The following FSTL5 variants were observed in gnomAD, a reference collection of about 807,000 sequenced individuals.
FSTL5 encodes follistatin-related protein 5.
A neutral mutation model predicts 89.1 loss-of-function variants in FSTL5; 62 were observed. That is an observed-to-expected ratio of 0.70 (90% confidence interval 0.57 to 0.86). FSTL5 has a LOEUF of 0.86. Among genes scored for constraint, FSTL5 ranks in the 40% least tolerant of loss-of-function variants. The pLI is 0.00. For missense variants in FSTL5, 1,057 were observed against 1,001.6 expected (o/e 1.06, Z -0.75); for synonymous variants, 383 against 346.2 (o/e 1.11, Z -1.18).
chr4:161,752,226 CAGATAGATAGATAGATAGAT>C (rs74281503), intron 6 of FSTL5, among the ~76,000 whole-genome samples: 6 of 139,072 alleles, frequency 4.3e-5, no homozygotes, highest in African/African-American at 1.1e-4. Context: ...GATAGATGGA[CAGATAGATAGATAGATAGAT>C]AGATAGATAG....
chr4:162,103,370 C>T (rs977186113), intron 2 of FSTL5, among the ~76,000 whole-genome samples: 28 of 152,210 alleles, frequency 1.8e-4, no homozygotes, highest in African/African-American at 6.8e-4. Flanking sequence ...TTCAGATTAA[C>T]TCTGTGCACA....
intron 3 of FSTL5, among the ~76,000 whole-genome samples, chr4:162,012,487 C>A (rs1736797261): frequency 6.6e-6 from 1 of 151,810 alleles, no homozygotes; most frequent in African/African-American, 2.4e-5. Context: ...ATAATATAAC[C>A]CAAATTTCAA....
At chr4:161,689,902 A>G (rs1737871472) in intron 6 of FSTL5, among the ~76,000 whole-genome samples, 1 of 152,168 alleles carries the variant, frequency 6.6e-6, no homozygotes, top group South Asian at 2.1e-4. Flanking sequence ...ATCATCCAAT[A>G]TATGACCTTT....
chr4:161,744,053 A>G (rs2126774657), intron 6 of FSTL5, among the ~76,000 whole-genome samples: 1 of 152,280 alleles, frequency 6.6e-6, no homozygotes, highest in Admixed American at 6.5e-5. Flanking sequence ...GCAAATTCTA[A>G]CACTATTACA....
chr4:161,455,888 T>C (rs965728419), intron 14 of FSTL5, among the ~76,000 whole-genome samples: 3 of 152,166 alleles, frequency 2.0e-5, no homozygotes, highest in African/African-American at 7.2e-5. Flanking sequence ...AAATACTTTC[T>C]ACATATGGCC....
intron 2 of FSTL5, among the ~76,000 whole-genome samples, chr4:162,064,660 A>T (rs1429076256): frequency 6.6e-6 from 1 of 151,964 alleles, no homozygotes; most frequent in African/African-American, 2.4e-5. Context: ...CCAACAACAG[A>T]TCTTAGGGAA....
At chr4:162,137,331 C>G (rs1307844043) in intron 1 of FSTL5, among the ~76,000 whole-genome samples, 1 of 152,082 alleles carries the variant, frequency 6.6e-6, no homozygotes, top group African/African-American at 2.4e-5. Context: ...AATCTAAAGA[C>G]TGCCTAGTCA....
chr4:161,686,211 T>G (rs1178775477), intron 6 of FSTL5, among the ~76,000 whole-genome samples: 1 of 149,290 alleles, frequency 6.7e-6, no homozygotes, highest in African/African-American at 2.5e-5. Flanking sequence ...GGTCTGTAGT[T>G]TTCTTTTTTG....
intron 4 of FSTL5, among the ~76,000 whole-genome samples, chr4:161,904,351 T>C (rs1733460676): frequency 6.6e-6 from 1 of 152,086 alleles, no homozygotes; most frequent in Non-Finnish European, 1.5e-5. Flanking sequence ...GGCTCCTAAT[T>C]TCACTTATTC....
chr4:161,475,062 C>A (rs930179388), intron 13 of FSTL5, among the ~76,000 whole-genome samples: 1 of 143,162 alleles, frequency 7.0e-6, no homozygotes, highest in Non-Finnish European at 1.5e-5. Context: ...GTATGCCGAA[C>A]GTATGGATCC....
intron 3 of FSTL5, among the ~76,000 whole-genome samples, chr4:161,982,531 T>C (rs1735853002): frequency 6.6e-6 from 1 of 152,218 alleles, no homozygotes; most frequent in Non-Finnish European, 1.5e-5. Context: ...TCTACTAATT[T>C]CTTCATATAT....
rs115159625 is a variant in FSTL5 at position 161,525,842 on chromosome 4, G to A, written c.1312+12324C>T. The stretch of plus-strand genomic sequence containing the variant: ...ACTTTTTGACTTTTGGTATTATAGT[G>A]GATGTGAAATAGCATTCTCTATTAT... On this transcript the variant is annotated intron_variant, in intron 10 of 15. Transcript: ENST00000306100. Among the ~76,000 whole-genome samples, 630 of 152,108 alleles carry A rather than the reference G, an allele frequency of 4.1e-3. 2 individuals are homozygous for A. Among genetic ancestry groups the A allele is most frequent in the Non-Finnish European group, 7.1e-3 (481 of 67,978 alleles).
chr4:161,386,158 A>G lies in FSTL5; in HGVS notation c.2133T>C (p.Asp711=). 3.1e-6 allele frequency: 5 copies of G among 1,614,048 alleles called. No homozygotes were observed. Among genetic ancestry groups the G allele is most frequent in the Non-Finnish European group, 3.4e-6 (4 of 1,179,986 alleles). Residue 711 remains aspartate (D), a synonymous_variant, in exon 16 of 16, where the codon GAT becomes GAC. Coordinates refer to ENST00000306100, the MANE Select transcript of FSTL5 (RefSeq NM_020116.5). ...PDGHYLVSIN[D]VKGLVRVQYI... ...ACTGAACCCTTACAAGACCTTTCAC[A>G]TCATTAATGCTGACAAGGTAGTGGC...
intron 10 of FSTL5, among the ~76,000 whole-genome samples, chr4:161,519,767 A>G (rs1273678276): frequency 6.6e-6 from 1 of 152,184 alleles, no homozygotes; most frequent in Non-Finnish European, 1.5e-5. Context: ...GTAATTAGCT[A>G]CAGATAAATA....
intron 3 of FSTL5, among the ~76,000 whole-genome samples, chr4:161,992,896 ATGTGTGTG>A (rs1207744093): frequency 4.4e-5 from 1 of 22,894 alleles, no homozygotes; most frequent in African/African-American, 1.1e-4. Context: ...ATATATATAT[ATGTGTGTG>A]TATATATATA....
intron 6 of FSTL5, among the ~76,000 whole-genome samples, chr4:161,688,553 C>G (rs1024399566): frequency 7.2e-5 from 11 of 152,146 alleles, no homozygotes; most frequent in Admixed American, 3.3e-4. Context: ...TATACCACAC[C>G]TCTGGAATGG....
chr4:162,040,965 C>T (rs991896401), intron 2 of FSTL5, among the ~76,000 whole-genome samples: 5 of 151,954 alleles, frequency 3.3e-5, no homozygotes, highest in African/African-American at 9.7e-5. Context: ...TTAGCCCCTG[C>T]AAGAGTGGAC....
chr4:161,536,144 C>T (rs978180067), intron 10 of FSTL5, among the ~76,000 whole-genome samples: 24 of 152,032 alleles, frequency 1.6e-4, no homozygotes, highest in Admixed American at 1.4e-3. Context: ...GTACTATGCT[C>T]ACTACCTGGA....
At chr4:161,555,503 A>G (rs1322854239) in intron 8 of FSTL5, among the ~76,000 whole-genome samples, 2 of 151,600 alleles carry the variant, frequency 1.3e-5, no homozygotes, top group African/African-American at 4.8e-5. Flanking sequence ...TTTAATGTAT[A>G]TCTAATTTAG....
Sources: gnomAD v4.1 joint callset for allele counts (sites outside exome capture counted in the v4.1 genomes callset) on GRCh38, gnomAD v4.1.1 for gene constraint, MANE v1.5 for transcripts, NCBI Gene and HGNC (gene_info 2026-07-23, HGNC 2026-07-21) for gene names.